The following SGK3 variants were observed in gnomAD, a reference collection of about 807,000 sequenced individuals.
The protein encoded by SGK3 is serum/glucocorticoid regulated kinase family member 3.
A neutral mutation model predicts 68.5 loss-of-function variants in SGK3; 47 were observed. The ratio of observed to expected loss-of-function variants is 0.69; its 90% CI spans 0.54 to 0.87. The LOEUF (loss-of-function observed/expected upper bound fraction) is 0.87. SGK3 is among the 40% of genes least tolerant of loss of function. The probability of loss-of-function intolerance (pLI) is 0.00; values close to 1 mark genes in which losing one functional copy is unlikely to be tolerated. For missense variants in SGK3, 479 were observed against 575.5 expected (o/e 0.83, Z 1.72); for synonymous variants, 181 against 189.1 (o/e 0.96, Z 0.35).
intron 1 of SGK3, among the ~76,000 whole-genome samples, chr8:66,770,374 G>A (rs1370814805): frequency 6.6e-6 from 1 of 152,084 alleles, no homozygotes. Flanking sequence ...TTTCCTTGCT[G>A]AATGCTGGAT....
chr8:66,851,374 C>T (rs558298864), intron 16 of SGK3, among the ~76,000 whole-genome samples: 5 of 151,866 alleles, frequency 3.3e-5, no homozygotes, highest in South Asian at 2.1e-4. Flanking sequence ...AAAAATTATC[C>T]GGGTGTGGTG....
chr8:66,734,317 T>C (rs1032392031), intron 1 of SGK3, among the ~76,000 whole-genome samples: 1 of 151,188 alleles, frequency 6.6e-6, no homozygotes, highest in Non-Finnish European at 1.5e-5. Flanking sequence ...TCTTGGTTTT[T>C]AAAGGAAGCC....
intron 13 of SGK3, 63 bp downstream of exon 13, chr8:66,841,173 A>G (rs1019491723): frequency 7.9e-7 from 1 of 1,262,122 alleles, no homozygotes; most frequent in Non-Finnish European, 1.1e-6. Context: ...TGAATTACAG[A>G]TTGCATATAT....
chr8:66,824,842 T>G (rs1808987358), intron 6 of SGK3, among the ~76,000 whole-genome samples: 1 of 152,208 alleles, frequency 6.6e-6, no homozygotes, highest in African/African-American at 2.4e-5. Context: ...TTACAGTCAG[T>G]TTTTTAAAAA....
At chr8:66,730,942 C>T (rs1424545095) in intron 1 of SGK3, among the ~76,000 whole-genome samples, 1 of 152,066 alleles carries the variant, frequency 6.6e-6, no homozygotes. Flanking sequence ...CCGCCCCAGT[C>T]TCCCAAAGTG....
intron 1 of SGK3, among the ~76,000 whole-genome samples, chr8:66,733,224 G>C (rs1805219867): frequency 6.6e-6 from 1 of 152,200 alleles, no homozygotes; most frequent in South Asian, 2.1e-4. Context: ...AGGCTTTGCA[G>C]GTCTTGGCAA....
At chr8:66,822,701 C>G (rs1339165141) in intron 6 of SGK3, among the ~76,000 whole-genome samples, 1 of 152,190 alleles carries the variant, frequency 6.6e-6, no homozygotes, top group African/African-American at 2.4e-5. Flanking sequence ...TCACTGCAAC[C>G]TCCACCTCCC....
At chr8:66,838,015 A>G (rs1246072991) in intron 10 of SGK3, among the ~76,000 whole-genome samples, 6 of 152,194 alleles carry the variant, frequency 3.9e-5, no homozygotes, top group Admixed American at 6.5e-5. Context: ...AGAAAACACT[A>G]TTATGCCCAT....
intron 1 of SGK3, among the ~76,000 whole-genome samples, chr8:66,757,925 G>GTA (rs1162383890): frequency 7.6e-6 from 1 of 131,538 alleles, no homozygotes; most frequent in Non-Finnish European, 1.6e-5. Context: ...AAAAAAAAAA[G>GTA]TGTATATATA....
intron 1 of SGK3, among the ~76,000 whole-genome samples, chr8:66,753,275 G>A (rs1479492182): frequency 6.6e-6 from 1 of 152,136 alleles, no homozygotes; most frequent in African/African-American, 2.4e-5. Flanking sequence ...CCAGAATTCT[G>A]TAGCTTCCAT....
chr8:66,773,770 G>C (rs982013383), intron 1 of SGK3, among the ~76,000 whole-genome samples: 10 of 152,112 alleles, frequency 6.6e-5, no homozygotes, highest in Non-Finnish European at 1.5e-4. Flanking sequence ...TCACATTGAG[G>C]GTAGATGGAG....
chr8:66,758,735 C>T (rs1266883454), intron 1 of SGK3, among the ~76,000 whole-genome samples: 1 of 152,114 alleles, frequency 6.6e-6, no homozygotes, highest in African/African-American at 2.4e-5. Flanking sequence ...AGGCTGGTCT[C>T]AAACTCCCGG....
intron 1 of SGK3, among the ~76,000 whole-genome samples, chr8:66,725,400 C>T (rs1480965506): frequency 6.9e-6 from 1 of 145,122 alleles, no homozygotes; most frequent in South Asian, 2.2e-4. Context: ...AAGAGTGTCT[C>T]AGAAAAAAAA....
chr8:66,747,416 C>A (rs921900995), intron 1 of SGK3, among the ~76,000 whole-genome samples: 3 of 152,146 alleles, frequency 2.0e-5, no homozygotes, highest in Non-Finnish European at 4.4e-5. Flanking sequence ...ACACAGTTTT[C>A]TGAATATATG....
At chr8:66,793,940 C>T in intron 2 of SGK3, 108 bp downstream of exon 2, 2 of 1,139,214 alleles carry the variant, frequency 1.8e-6, no homozygotes, top group South Asian at 1.5e-5. Context: ...TCTCCACATA[C>T]CTAGATTTTA....
At chr8:66,749,284 C>G (rs972889586) in intron 1 of SGK3, among the ~76,000 whole-genome samples, 4 of 152,008 alleles carry the variant, frequency 2.6e-5, no homozygotes, top group Non-Finnish European at 5.9e-5. Context: ...GAGGCCGAGG[C>G]GGGCGGATCA....
At chr8:66,731,762 C>T (rs576915639) in intron 1 of SGK3, among the ~76,000 whole-genome samples, 165 of 152,272 alleles carry the variant, frequency 1.1e-3, no homozygotes, top group African/African-American at 3.9e-3. Flanking sequence ...TCTCGATCTC[C>T]TGACCTCGTG....
At chr8:66,855,363 C>G (rs1422383468) in intron 16 of SGK3, among the ~76,000 whole-genome samples, 2 of 152,054 alleles carry the variant, frequency 1.3e-5, no homozygotes, top group Non-Finnish European at 2.9e-5. Flanking sequence ...CCACCATGCC[C>G]AGCTAATTTT....
At chr8:66,840,980 C>G in intron 12 of SGK3, 44 bp from the exon 13 acceptor site, 1 of 1,343,300 alleles carries the variant, frequency 7.4e-7, no homozygotes, top group Non-Finnish European at 1.0e-6. Flanking sequence ...ATTGTCAATT[C>G]ATATTTATGC....
Sources: gnomAD v4.1 joint callset for allele counts (sites outside exome capture counted in the v4.1 genomes callset) on GRCh38, gnomAD v4.1.1 for gene constraint, MANE v1.5 for transcripts, NCBI Gene and HGNC (gene_info 2026-07-23, HGNC 2026-07-21) for gene names.